FSHR: variants seen among roughly 807,000 people sequenced by gnomAD.
The protein encoded by FSHR is follicle stimulating hormone receptor.
A neutral mutation model predicts 52.1 loss-of-function variants in FSHR; 46 were observed. The ratio of observed to expected loss-of-function variants is 0.88; its 90% CI spans 0.70 to 1.13. The LOEUF is 1.13. FSHR is among the 50% of genes most tolerant of loss of function. The pLI is 0.00. For missense variants in FSHR, 964 were observed against 834.6 expected (o/e 1.16, Z -1.91); for synonymous variants, 399 against 309.6 (o/e 1.29, Z -3.03).
intron 4 of FSHR, among the ~76,000 whole-genome samples, chr2:49,013,736 G>A (rs1010289628): frequency 2.0e-5 from 3 of 151,512 alleles, no homozygotes; most frequent in East Asian, 3.9e-4. Flanking sequence ...CAAACATTTT[G>A]TATAGTGTAG....
intron 4 of FSHR, among the ~76,000 whole-genome samples, chr2:49,008,803 T>G (rs1315975119): frequency 2.0e-5 from 3 of 146,414 alleles, no homozygotes; most frequent in South Asian, 2.3e-4. Context: ...TTTCATGTGT[T>G]TTTTGGCTGC....
chr2:49,037,916 A>T (rs1668328526), intron 2 of FSHR, among the ~76,000 whole-genome samples: 1 of 152,228 alleles, frequency 6.6e-6, no homozygotes, highest in Non-Finnish European at 1.5e-5. Flanking sequence ...CCTCAGTTTA[A>T]GGAAATCATT....
At chr2:48,996,652 A>G (rs1040356811) in intron 4 of FSHR, among the ~76,000 whole-genome samples, 1 of 152,150 alleles carries the variant, frequency 6.6e-6, no homozygotes, top group African/African-American at 2.4e-5. Flanking sequence ...TAGATAGACC[A>G]TGCAAAGGAC....
intron 2 of FSHR, among the ~76,000 whole-genome samples, chr2:49,041,622 GA>G (rs1668481921): frequency 1.3e-5 from 2 of 152,200 alleles, no homozygotes; most frequent in South Asian, 4.2e-4. Flanking sequence ...GAAGGCCCAA[GA>G]TAGGTCTTGG....
At chr2:49,056,517 C>A (rs909026767) in intron 2 of FSHR, among the ~76,000 whole-genome samples, 20 of 138,412 alleles carry the variant, frequency 1.4e-4, no homozygotes, top group Non-Finnish European at 1.1e-4. Context: ...ATATAAAAAG[C>A]AAATATTATT....
At chr2:49,133,054 G>A (rs560447266) in intron 1 of FSHR, among the ~76,000 whole-genome samples, 75 of 151,012 alleles carry the variant, frequency 5.0e-4, no homozygotes, top group African/African-American at 1.7e-3. Context: ...ATCTCAGAGC[G>A]GGTGGAGACC....
chr2:49,113,552 A>C (rs867779882), intron 1 of FSHR, among the ~76,000 whole-genome samples: 14 of 152,112 alleles, frequency 9.2e-5, no homozygotes, highest in African/African-American at 3.1e-4. Flanking sequence ...AAACCATTCA[A>C]ATCTTTTTTG....
intron 1 of FSHR, among the ~76,000 whole-genome samples, chr2:49,112,353 TATG>T (rs1286638403): frequency 6.6e-6 from 1 of 152,144 alleles, no homozygotes; most frequent in East Asian, 1.9e-4. Context: ...CGGAAATATT[TATG>T]ATGAAACAAT....
intron 1 of FSHR, among the ~76,000 whole-genome samples, chr2:49,126,096 C>T (rs930956958): frequency 1.3e-4 from 20 of 152,208 alleles, no homozygotes; most frequent in African/African-American, 3.1e-4. Flanking sequence ...GTAAAGGATC[C>T]GTGGAATGGT....
chr2:49,091,680 C>T (rs77870676), intron 1 of FSHR, among the ~76,000 whole-genome samples: 2 of 152,290 alleles, frequency 1.3e-5, no homozygotes, highest in African/African-American at 4.8e-5. Context: ...CGTTAGATTT[C>T]TGTCAAAAAT....
chr2:48,970,180 T>C (rs1298755786), intron 8 of FSHR, among the ~76,000 whole-genome samples: 3 of 152,236 alleles, frequency 2.0e-5, no homozygotes, highest in Non-Finnish European at 4.4e-5. Flanking sequence ...TTTCATTGTA[T>C]AATTATCTTG....
Position 49,127,827 on chromosome 2 carries a change from T to C in FSHR, c.152+26439A>G, listed in dbSNP as rs1369321131. On this transcript the variant is annotated intron_variant, in intron 1 of 9. Coordinates refer to ENST00000406846, the MANE Select transcript of FSHR (RefSeq NM_000145.4). ...CTTCTTCTTCTTCTTCTTCTTCTTC[T>C]TCCTCTTCTTCTTCTTCTTCTTCTT... 7.9e-4 allele frequency among the ~76,000 whole-genome samples: 47 copies of C among 59,138 alleles called. 1 individual carries two copies. Among genetic ancestry groups the C allele is most frequent in the African/African-American group, 2.6e-3 (36 of 13,836 alleles). The allele number at this position is 59,138 out of a possible 152,430, so 38.8% of individuals were successfully genotyped here.
chr2:48,988,334 A>C (rs1174670980), intron 6 of FSHR, among the ~76,000 whole-genome samples: 1 of 152,196 alleles, frequency 6.6e-6, no homozygotes, highest in Non-Finnish European at 1.5e-5. Context: ...CTGTGCATCT[A>C]ACTTTCATGG....
intron 1 of FSHR, 142 bp from the exon 2 acceptor site, chr2:49,068,432 T>C (rs1032759156): frequency 5.6e-6 from 4 of 718,728 alleles, no homozygotes; most frequent in Non-Finnish European, 9.9e-6. Context: ...ACATTCTCTC[T>C]TTTCATCCTG....
In FSHR at chr2:49,005,410, C is replaced by G. The variant is rs190723214; in HGVS notation, c.374+12079G>C. ...TGATAAAAAAAGCAATTGTAAATCT[C>G]GATTGTGCCCAAACATCCTTGTAGT... On this transcript the variant is annotated intron_variant, in intron 4 of 9. Coordinates refer to ENST00000406846, the MANE Select transcript of FSHR (RefSeq NM_000145.4). Among the ~76,000 whole-genome samples, 238 of 152,250 alleles carry G rather than the reference C, an allele frequency of 1.6e-3. 1 individual carries two copies. Among genetic ancestry groups the G allele is most frequent in the African/African-American group, 5.3e-3 (222 of 41,548 alleles).
intron 1 of FSHR, among the ~76,000 whole-genome samples, chr2:49,076,336 C>T (rs920889869): frequency 6.6e-6 from 1 of 152,196 alleles, no homozygotes; most frequent in African/African-American, 2.4e-5. Context: ...ACATGGATGG[C>T]AGCAGGCAAA....
intron 8 of FSHR, among the ~76,000 whole-genome samples, chr2:48,977,755 G>A (rs1276528145): frequency 1.3e-5 from 2 of 152,112 alleles, no homozygotes; most frequent in Non-Finnish European, 2.9e-5. Flanking sequence ...ACACACAGTA[G>A]GTGTTTAATC....
intron 1 of FSHR, among the ~76,000 whole-genome samples, chr2:49,072,278 A>G (rs780345433): frequency 1.3e-5 from 2 of 152,178 alleles, no homozygotes; most frequent in Non-Finnish European, 2.9e-5. Context: ...TAAGTCATAC[A>G]TGGGTCAAAG....
intron 1 of FSHR, among the ~76,000 whole-genome samples, chr2:49,126,542 CAA>C (rs1332933829): frequency 6.6e-6 from 1 of 152,086 alleles, no homozygotes; most frequent in Non-Finnish European, 1.5e-5. Flanking sequence ...CAAGTAATAG[CAA>C]GAGAAGAGTA....
Sources: gnomAD v4.1 joint callset for allele counts (sites outside exome capture counted in the v4.1 genomes callset) on GRCh38, gnomAD v4.1.1 for gene constraint, MANE v1.5 for transcripts, NCBI Gene and HGNC (gene_info 2026-07-23, HGNC 2026-07-21) for gene names.